CALR3: variants seen among roughly 807,000 people sequenced by gnomAD.
CALR3 encodes calreticulin-3.
A neutral mutation model predicts 48.7 loss-of-function variants in CALR3; 39 were observed. The ratio of observed to expected loss-of-function variants is 0.80; its 90% CI spans 0.62 to 1.05. CALR3 has a LOEUF of 1.05. Ranked by LOEUF, CALR3 falls within the 50% of genes least tolerant of loss-of-function variation. The pLI, the probability that CALR3 is intolerant of heterozygous loss-of-function variation, is 0.00. For synonymous variants in CALR3, 185 were observed against 172.7 expected (o/e 1.07, Z -0.56); for missense variants, 449 against 474.7 (o/e 0.95, Z 0.50).
intron 3 of CALR3, among the ~76,000 whole-genome samples, chr19:16,485,479 C>T (rs1253359857): frequency 1.3e-5 from 2 of 151,898 alleles, no homozygotes; most frequent in African/African-American, 4.8e-5. Context: ...GCCACGATGC[C>T]CAGCTAATTT....
intron 7 of CALR3, among the ~76,000 whole-genome samples, 174 bp downstream of exon 7, chr19:16,482,276 G>C (rs1224800058): frequency 6.6e-6 from 1 of 151,966 alleles, no homozygotes; most frequent in African/African-American, 2.4e-5. Context: ...TAGCTACTTG[G>C]GAGGCTGAGG....
chr19:16,482,813 A>G, intron 5 of CALR3, 28 bp from the exon 6 acceptor site: 1 of 1,580,060 alleles, frequency 6.3e-7, no homozygotes, highest in South Asian at 1.1e-5. Flanking sequence ...GAAAAAGTAA[A>G]ATCAGTCAGA....
At chr19:16,493,023 C>T (rs2093400446) in intron 2 of CALR3, among the ~76,000 whole-genome samples, 1 of 152,094 alleles carries the variant, frequency 6.6e-6, no homozygotes, top group Non-Finnish European at 1.5e-5. Flanking sequence ...AAGGGTGAAA[C>T]TCTCTCTCAA....
intron 3 of CALR3, among the ~76,000 whole-genome samples, chr19:16,486,784 CCTT>C (rs1176910299): frequency 2.0e-5 from 3 of 152,134 alleles, no homozygotes; most frequent in Non-Finnish European, 2.9e-5. Flanking sequence ...TTGTCCTCCT[CCTT>C]AACCCCTCAC....
chr19:16,490,450 C>G lies in CALR3; in HGVS notation c.314G>C (p.Cys105Ser), dbSNP rs747738664. The G allele has an allele frequency of 1.4e-5, 22 of 1,614,088 alleles. No individual in the cohort carries two copies. The highest frequency in any genetic ancestry group is 1.7e-5 in the Non-Finnish European group (20 of 1,180,038). The change falls in exon 3 of 9, where the codon TGT (cysteine) becomes TCT (serine). Residue 105 changes from cysteine (C) to serine (S), a missense_variant. Cys to Ser is a moderately radical substitution (Grantham distance 112). Transcript: ENST00000269881. ...YTVKHEQKMDCGGGYIKVFPA... is the reference protein window; with the variant it reads ...YTVKHEQKMDSGGGYIKVFPA... ...AAAGACCTTAATGTAGCCCCCTCCA[C>G]AGTCCATCTTCTGCTCATGTTTTAC...
chr19:16,490,244 G>T (rs1194818774), intron 3 of CALR3, 123 bp downstream of exon 3: 2 of 814,976 alleles, frequency 2.5e-6, no homozygotes, highest in Non-Finnish European at 4.1e-6. Flanking sequence ...TACAAACCTT[G>T]GATCCGATAT....
chr19:16,481,336 C>G (rs2093380345), intron 7 of CALR3, among the ~76,000 whole-genome samples: 1 of 152,042 alleles, frequency 6.6e-6, no homozygotes, highest in South Asian at 2.1e-4. Flanking sequence ...TATACTATAA[C>G]AGCAATTAGA....
chr19:16,484,249 C>G lies in CALR3; in HGVS notation c.493-134G>C, dbSNP rs1210054783. 3.7e-6 allele frequency: 3 copies of G among 808,312 alleles called. No individual in the cohort carries two copies. The African/African-American group carries it at 5.4e-5, about 14-fold the overall frequency. 50.1% of individuals were successfully genotyped at this position (808,312 alleles called of 1,614,324 possible). On this transcript the variant is annotated intron_variant, in intron 4 of 8. Transcript: ENST00000269881. Reference sequence around the variant, plus strand: ...TTGGAGCGCTGTGGCACAATCTCGGCTCACTACAACCTCCACCTCCTGAGT... The same window carrying G: ...TTGGAGCGCTGTGGCACAATCTCGGGTCACTACAACCTCCACCTCCTGAGT...
At chr19:16,480,048 C>T (rs1304423138) in intron 8 of CALR3, among the ~76,000 whole-genome samples, 3 of 150,916 alleles carry the variant, frequency 2.0e-5, no homozygotes, top group Non-Finnish European at 4.4e-5. Flanking sequence ...ACTAAAAATA[C>T]AAAAATTAGT....
rs10413805 is a variant in CALR3 at position 16,480,425 on chromosome 19, G to A, written c.1011+189C>T. On this transcript the variant is annotated intron_variant, in intron 8 of 8. Coordinates refer to ENST00000269881, the MANE Select transcript of CALR3 (RefSeq NM_145046.5). ...AAATTAGCCGGACGTGGTGGCATGC[G>A]CCTGTAGTCCCAGCTACTTGGGAGT... Among the ~76,000 whole-genome samples, 95,443 of 151,294 alleles carry A rather than the reference G, an allele frequency of 0.63. 30,712 individuals carry two copies. Among genetic ancestry groups the A allele is most frequent in the South Asian group, 0.75 (3,576 of 4,790 alleles).
At chr19:16,491,316 G>T (rs1173655439) in intron 2 of CALR3, among the ~76,000 whole-genome samples, 1 of 149,606 alleles carries the variant, frequency 6.7e-6, no homozygotes, top group East Asian at 2.0e-4. Context: ...TAGAGACAGG[G>T]TTTCACCATG....
intron 3 of CALR3, among the ~76,000 whole-genome samples, chr19:16,488,717 T>C (rs933125364): frequency 2.0e-5 from 3 of 152,256 alleles, no homozygotes; most frequent in South Asian, 2.1e-4. Flanking sequence ...CTGAGGTACA[T>C]TTATTATTAA....
At chr19:16,482,402 AAAAC>A (rs545855935) in intron 7 of CALR3, 44 bp downstream of exon 7, 1 of 1,530,556 alleles carries the variant, frequency 6.5e-7, no homozygotes. Flanking sequence ...AAAACAAAAC[AAAAC>A]ACACACACGC....
intron 8 of CALR3, among the ~76,000 whole-genome samples, chr19:16,479,530 G>A (rs896722092): frequency 2.0e-5 from 3 of 151,032 alleles, no homozygotes; most frequent in Non-Finnish European, 4.4e-5. Context: ...AGAGCTTGCA[G>A]TGAGCTGAGA....
intron 8 of CALR3, among the ~76,000 whole-genome samples, chr19:16,480,200 CAAAAA>C (rs57759885): frequency 1.4e-5 from 1 of 70,782 alleles, no homozygotes. Flanking sequence ...GACTCCGTCT[CAAAAA>C]AAAAAAAAAA....
In CALR3 at chr19:16,482,430, T is replaced by C. The variant is rs558964673; in HGVS notation, c.918+20A>G. 1.5e-5 allele frequency: 24 copies of C among 1,613,962 alleles called. No homozygotes were observed. In the South Asian group the frequency reaches 2.3e-4, roughly 16 times the overall value. ...ACACACACACGCAAAAAATCTAAAG[T>C]AAAGTTAAAACCAAATGACCTGCCA... is the stretch of plus-strand genomic sequence containing the variant. On this transcript the variant is annotated intron_variant, in intron 7 of 8. Coordinates refer to ENST00000269881, the MANE Select transcript of CALR3 (RefSeq NM_145046.5).
chr19:16,493,028 T>C (rs1305924481), intron 2 of CALR3, among the ~76,000 whole-genome samples: 1 of 152,142 alleles, frequency 6.6e-6, no homozygotes, highest in Non-Finnish European at 1.5e-5. Context: ...TGAAACTCTC[T>C]CTCAAATAAA....
chr19:16,480,406 G>C (rs1213661177), intron 8 of CALR3, among the ~76,000 whole-genome samples: 3 of 151,584 alleles, frequency 2.0e-5, no homozygotes, highest in Non-Finnish European at 4.4e-5. Context: ...ACACAAATTA[G>C]CCGGACGTGG....
chr19:16,495,164 T>C (rs1260326045), intron 2 of CALR3, among the ~76,000 whole-genome samples: 1 of 150,456 alleles, frequency 6.6e-6, no homozygotes, highest in South Asian at 2.1e-4. Flanking sequence ...AGACGGAGGT[T>C]TGAGTGAGCC....
Sources: gnomAD v4.1 joint callset for allele counts (sites outside exome capture counted in the v4.1 genomes callset) on GRCh38, gnomAD v4.1.1 for gene constraint, MANE v1.5 for transcripts, NCBI Gene and HGNC (gene_info 2026-07-23, HGNC 2026-07-21) for gene names.